Variants in ETV6 observed in about 807,000 individuals in gnomAD.
The protein encoded by ETV6 is ETS variant transcription factor 6.
A neutral mutation model predicts 51.1 loss-of-function variants in ETV6; 16 were observed. The observed-to-expected ratio is 0.31, with a 90% CI of 0.21 to 0.48. The LOEUF is 0.48. Among genes scored for constraint, ETV6 ranks in the 20% least tolerant of loss-of-function variants. The probability of loss-of-function intolerance (pLI) is 0.99; values close to 1 mark genes in which losing one functional copy is unlikely to be tolerated. For synonymous variants in ETV6, 240 were observed against 224.1 expected, an observed-to-expected ratio of 1.07 and a Z score of -0.64; for missense variants, 458 against 594.8, an observed-to-expected ratio of 0.77 and a Z score of 2.39.
chr12:11,841,317 G>A (rs1402730505), intron 3 of ETV6, among the ~76,000 whole-genome samples: 1 of 134,324 alleles, frequency 7.4e-6, no homozygotes, highest in African/African-American at 3.3e-5. Flanking sequence ...CCAGTTAGAG[G>A]CAGGATTGCG....
intron 2 of ETV6, among the ~76,000 whole-genome samples, chr12:11,772,820 G>A (rs1945261720): frequency 6.6e-6 from 1 of 152,122 alleles, no homozygotes; most frequent in African/African-American, 2.4e-5. Context: ...GAATCATGAT[G>A]TTGGAAGATC....
rs1355668268 is a variant in ETV6 at position 11,752,339 on chromosome 12, G to C, written c.34-111G>C. On this transcript the variant is annotated intron_variant, in intron 1 of 7. Coordinates refer to ENST00000396373, the MANE Select transcript of ETV6 (RefSeq NM_001987.5). ...CCGGATTGCTTGGGAAGCTGGTACT[G>C]CCCATGCCCCGCCTCCCTTTTGCTC... is the stretch of plus-strand genomic sequence containing the variant. 3.5e-6 allele frequency: 4 copies of C among 1,134,238 alleles called. No homozygotes were observed. The East Asian group carries it at 9.5e-5, about 27-fold the overall frequency. 70.3% of individuals were successfully genotyped at this position (1,134,238 alleles called of 1,614,324 possible).
chr12:11,656,393 T>C (rs1046209360), intron 1 of ETV6, among the ~76,000 whole-genome samples: 2 of 152,160 alleles, frequency 1.3e-5, no homozygotes, highest in Non-Finnish European at 2.9e-5. Flanking sequence ...GGCTGGTGGA[T>C]TGTTACATAA....
Position 11,716,089 on chromosome 12 carries a change from G to A in ETV6, c.34-36361G>A, listed in dbSNP as rs150352007. The stretch of plus-strand genomic sequence containing the variant: ...TTTAAGACCATTTGGGGCCGGGCGC[G>A]GTGGCTGACGCCTGTAATCCCAACA... On this transcript the variant is annotated intron_variant, in intron 1 of 7. Transcript: ENST00000396373. 5.3e-3 allele frequency among the ~76,000 whole-genome samples: 813 copies of A among 152,170 alleles called. 5 individuals are homozygous for A. The highest frequency in any genetic ancestry group is 0.019 in the African/African-American group (776 of 41,514).
chr12:11,659,835 A>C (rs1864067061), intron 1 of ETV6, among the ~76,000 whole-genome samples: 1 of 152,148 alleles, frequency 6.6e-6, no homozygotes, highest in Non-Finnish European at 1.5e-5. Flanking sequence ...CTAAGAGGTG[A>C]GGAAGGAAGA....
intron 7 of ETV6, among the ~76,000 whole-genome samples, chr12:11,888,753 A>G (rs567327267): frequency 1.4e-4 from 21 of 152,154 alleles, no homozygotes; most frequent in African/African-American, 4.3e-4. Context: ...CCCAGGCTAG[A>G]GTGCAGTGGT....
intron 2 of ETV6, among the ~76,000 whole-genome samples, chr12:11,822,654 G>C (rs1271769562): frequency 6.6e-6 from 1 of 152,180 alleles, no homozygotes; most frequent in Non-Finnish European, 1.5e-5. Flanking sequence ...TTACTAATTT[G>C]GGCATTACTA....
chr12:11,800,561 C>G (rs887882640), intron 2 of ETV6, among the ~76,000 whole-genome samples: 2 of 152,078 alleles, frequency 1.3e-5, no homozygotes, highest in African/African-American at 2.4e-5. Flanking sequence ...CCTCCCCACC[C>G]GCATCCCTTC....
intron 1 of ETV6, among the ~76,000 whole-genome samples, 185 bp downstream of exon 1, chr12:11,650,345 C>CA (rs1452799570): frequency 4.2e-5 from 1 of 23,702 alleles, no homozygotes; most frequent in Non-Finnish European, 4.0e-4. Flanking sequence ...CCTTGCTACT[C>CA]CCCCCCACCG....
At chr12:11,817,631 A>G (rs1400658907) in intron 2 of ETV6, among the ~76,000 whole-genome samples, 7 of 152,320 alleles carry the variant, frequency 4.6e-5, no homozygotes, top group Admixed American at 3.9e-4. Context: ...TTTAATGCAC[A>G]AATCATTGTT....
chr12:11,670,884 G>T (rs1864300399), intron 1 of ETV6, among the ~76,000 whole-genome samples: 1 of 152,116 alleles, frequency 6.6e-6, no homozygotes, highest in Non-Finnish European at 1.5e-5. Context: ...ATTCTTTTCT[G>T]GGTTCTAATC....
At chr12:11,772,401 G>C (rs1945254530) in intron 2 of ETV6, among the ~76,000 whole-genome samples, 1 of 152,182 alleles carries the variant, frequency 6.6e-6, no homozygotes, top group African/African-American at 2.4e-5. Flanking sequence ...TGTCCGAATA[G>C]TAAAGATGGT....
chr12:11,840,435 C>T (rs943044872), intron 3 of ETV6: 24 of 455,882 alleles, frequency 5.3e-5, no homozygotes, highest in African/African-American at 4.2e-4. Context: ...TACTCAAGGC[C>T]CTCCTTTTAC....
intron 4 of ETV6, among the ~76,000 whole-genome samples, chr12:11,868,257 G>A (rs1220061968): frequency 5.9e-5 from 9 of 152,122 alleles, no homozygotes. Flanking sequence ...TGAGTACACA[G>A]GTTCTAGAAT....
intron 2 of ETV6, among the ~76,000 whole-genome samples, chr12:11,793,282 A>G (rs902770689): frequency 3.9e-5 from 6 of 152,160 alleles, no homozygotes; most frequent in African/African-American, 1.4e-4. Flanking sequence ...ATTACCTCCA[A>G]TTTAAGATGA....
At chr12:11,878,828 G>GGA (rs1491389595) in intron 5 of ETV6, among the ~76,000 whole-genome samples, 5 of 139,804 alleles carry the variant, frequency 3.6e-5, no homozygotes, top group African/African-American at 8.6e-5. Context: ...AGGAGGAGGG[G>GGA]AAAAAAAAAA....
intron 2 of ETV6, among the ~76,000 whole-genome samples, chr12:11,777,899 A>C (rs1044454167): frequency 6.6e-6 from 1 of 152,120 alleles, no homozygotes; most frequent in African/African-American, 2.4e-5. Flanking sequence ...AACTTCCCTT[A>C]ACACAGGTTC....
intron 1 of ETV6, among the ~76,000 whole-genome samples, chr12:11,745,975 G>A (rs2724636): frequency 0.98 from 149,132 of 152,298 alleles, 73,085 homozygotes; most frequent in Middle Eastern, 1. Flanking sequence ...TCCTGCTCAG[G>A]GGTCATGCCA....
chr12:11,784,624 G>C (rs1945457452), intron 2 of ETV6, among the ~76,000 whole-genome samples: 2 of 152,168 alleles, frequency 1.3e-5, no homozygotes, highest in Non-Finnish European at 2.9e-5. Flanking sequence ...AAAGTGATTG[G>C]CAAGTGAGGA....
Sources: gnomAD v4.1 joint callset for allele counts (sites outside exome capture counted in the v4.1 genomes callset) on GRCh38, gnomAD v4.1.1 for gene constraint, MANE v1.5 for transcripts, NCBI Gene and HGNC (gene_info 2026-07-23, HGNC 2026-07-21) for gene names.